Variants in CPVL observed in about 807,000 individuals in gnomAD.
CPVL encodes the protein probable serine carboxypeptidase CPVL.
Under a neutral mutation model 63.7 loss-of-function variants are expected in CPVL, and 51 were observed. The observed-to-expected ratio is 0.80, with a 90% CI of 0.64 to 1.01. The LOEUF (loss-of-function observed/expected upper bound fraction) is 1.01, where lower values mean the gene tolerates loss of function less well. CPVL is among the 50% of genes least tolerant of loss of function. The probability of loss-of-function intolerance (pLI) is 0.00; values close to 1 mark genes in which losing one functional copy is unlikely to be tolerated. For missense variants in CPVL, 530 were observed against 573.1 expected (o/e 0.92, Z 0.77); for synonymous variants, 195 against 206.0 (o/e 0.95, Z 0.46).
chr7:29,103,327 C>T (rs143488470), intron 3 of CPVL, among the ~76,000 whole-genome samples: 1,579 of 149,958 alleles, frequency 0.011, 21 homozygotes, highest in Non-Finnish European at 0.011. Context: ...TTCACTGCAA[C>T]CTCCACCTCC....
At chr7:29,054,217 A>G (rs1305513420) in intron 11 of CPVL, among the ~76,000 whole-genome samples, 1 of 152,218 alleles carries the variant, frequency 6.6e-6, no homozygotes, top group East Asian at 1.9e-4. Context: ...ATTTCTATCA[A>G]TTTCTATAGT....
intron 5 of CPVL, among the ~76,000 whole-genome samples, chr7:29,180,481 C>G (rs1584599812): frequency 2.0e-5 from 3 of 151,702 alleles, no homozygotes; most frequent in African/African-American, 7.3e-5. Context: ...GAGCCGAGAT[C>G]GCGCCACTGC....
At chr7:29,046,485 T>A (rs1210424982) in intron 11 of CPVL, among the ~76,000 whole-genome samples, 1 of 152,102 alleles carries the variant, frequency 6.6e-6, no homozygotes, top group African/African-American at 2.4e-5. Context: ...ATGGTTCCTC[T>A]TAAAACTGCA....
intron 7 of CPVL, among the ~76,000 whole-genome samples, chr7:29,078,836 G>A (rs930839520): frequency 6.6e-6 from 1 of 152,168 alleles, no homozygotes; most frequent in Non-Finnish European, 1.5e-5. Flanking sequence ...TTCGGTTGCA[G>A]CTTAAACCCT....
At chr7:29,132,168 CAG>C (rs1215255254) in intron 1 of CPVL, among the ~76,000 whole-genome samples, 1 of 152,084 alleles carries the variant, frequency 6.6e-6, no homozygotes, top group Non-Finnish European at 1.5e-5. Flanking sequence ...GGGCATGAGA[CAG>C]TGTCTAGGAA....
At chr7:29,129,638 T>C (rs225463) in intron 1 of CPVL, among the ~76,000 whole-genome samples, 11,982 of 152,010 alleles carry the variant, frequency 0.079, 960 homozygotes, top group African/African-American at 0.21. Flanking sequence ...CTGGCTAATT[T>C]TTTGCATTTT....
chr7:29,146,608 AGTGCGTC>A (rs1175152959), upstream of CPVL: 2 of 1,550,454 alleles, frequency 1.3e-6, no homozygotes, highest in Non-Finnish European at 1.7e-6. Flanking sequence ...CAGGGCAAAA[AGTGCGTC>A]GTCGTGTCCC....
At chr7:29,004,009 G>C (rs1467867195) in intron 12 of CPVL, among the ~76,000 whole-genome samples, 2 of 152,168 alleles carry the variant, frequency 1.3e-5, no homozygotes, top group Non-Finnish European at 2.9e-5. Flanking sequence ...GAGGGATTGG[G>C]GGCCCCTGTT....
chr7:29,143,662 A>C (rs1365520248), intron 1 of CPVL, among the ~76,000 whole-genome samples: 1 of 149,036 alleles, frequency 6.7e-6, no homozygotes, highest in Non-Finnish European at 1.5e-5. Context: ...GCCTGTAAAC[A>C]ATTCTAAGCA....
At chr7:29,120,815 T>G in intron 2 of CPVL, 78 bp downstream of exon 2, 1 of 1,244,482 alleles carries the variant, frequency 8.0e-7, no homozygotes, top group African/African-American at 1.7e-5. Context: ...CGAGACTTCG[T>G]CTCAAAAAAA....
At chr7:29,103,062 C>G (rs1469574014) in intron 3 of CPVL, among the ~76,000 whole-genome samples, 1 of 151,744 alleles carries the variant, frequency 6.6e-6, no homozygotes, top group Non-Finnish European at 1.5e-5. Context: ...CCTTTCCACC[C>G]TCATCTTCCA....
At chr7:29,192,370 C>T (rs1029948200) in intron 1 of CPVL, 6 of 152,158 alleles carry the variant, frequency 3.9e-5, no homozygotes. Context: ...AGTTAAAACA[C>T]TATGAAGGGA....
At chr7:29,001,532 AAAC>A (rs1318105482) in intron 12 of CPVL, 1 of 152,228 alleles carries the variant, frequency 6.6e-6, no homozygotes, top group Non-Finnish European at 1.5e-5. Flanking sequence ...CGAGAATAAA[AAAC>A]AAGCCAAAGC....
At chr7:29,053,542 AG>A (rs1436706595) in intron 11 of CPVL, among the ~76,000 whole-genome samples, 1 of 152,230 alleles carries the variant, frequency 6.6e-6, no homozygotes, top group Non-Finnish European at 1.5e-5. Context: ...AAATCCATAC[AG>A]ACAGAAAGTA....
At chr7:29,112,529 C>T (rs540036363) in intron 3 of CPVL, among the ~76,000 whole-genome samples, 175 bp downstream of exon 3, 1 of 151,962 alleles carries the variant, frequency 6.6e-6, no homozygotes, top group Admixed American at 6.5e-5. Context: ...TGTTTCCTGC[C>T]CATAAATAGG....
intron 5 of CPVL, among the ~76,000 whole-genome samples, chr7:29,171,079 C>T (rs1004937394): frequency 1.3e-5 from 2 of 152,126 alleles, no homozygotes; most frequent in Admixed American, 6.5e-5. Flanking sequence ...TATTAAAAAA[C>T]GACTTTATGA....
chr7:29,113,462 C>T (rs994369517), intron 2 of CPVL, among the ~76,000 whole-genome samples: 2 of 152,026 alleles, frequency 1.3e-5, no homozygotes, highest in African/African-American at 2.4e-5. Context: ...GTTGTGGGGG[C>T]CAGGGGTCCT....
chr7:29,138,426 C>A (rs1368770913), intron 1 of CPVL, among the ~76,000 whole-genome samples: 1 of 151,986 alleles, frequency 6.6e-6, no homozygotes, highest in South Asian at 2.1e-4. Flanking sequence ...GGCAAAAGAG[C>A]GAGACTACGT....
chr7:29,003,888 T>C (rs1562718053), intron 12 of CPVL, among the ~76,000 whole-genome samples: 3 of 152,132 alleles, frequency 2.0e-5, no homozygotes, highest in Admixed American at 1.3e-4. Context: ...AATCTAATGC[T>C]GCCACTGATT....
Sources: allele counts gnomAD v4.1 joint callset (sites outside exome capture counted in the v4.1 genomes callset), GRCh38; gene constraint gnomAD v4.1.1; transcripts MANE v1.5; gene names NCBI Gene and HGNC (gene_info 2026-07-23, HGNC 2026-07-21).